Variants in RPS9 observed in about 807,000 individuals in gnomAD.
The protein encoded by RPS9 is ribosomal protein S9.
A neutral mutation model predicts 16.9 loss-of-function variants in RPS9; 1 was observed. That is an observed-to-expected ratio of 0.06 (90% CI 0.02 to 0.28). The LOEUF (loss-of-function observed/expected upper bound fraction) is 0.28. RPS9 is among the 10% of genes least tolerant of loss of function. RPS9 has a pLI of 1.00. For missense variants in RPS9, 137 were observed against 273.2 expected (o/e 0.50, Z 3.51); for synonymous variants, 106 against 110.9 (o/e 0.96, Z 0.28).
chr19:54,206,666 T>C, intron 4 of RPS9: 1 of 1,546,280 alleles, frequency 6.5e-7, no homozygotes. Flanking sequence ...CAAGGGTCAC[T>C]GCGGCTCTAG....
chr19:54,207,150 G>A, intron 4 of RPS9: 2 of 537,806 alleles, frequency 3.7e-6, no homozygotes, highest in East Asian at 6.1e-5. Context: ...TGTGGTCTTA[G>A]GTGGGATACT....
intron 3 of RPS9, among the ~76,000 whole-genome samples, chr19:54,204,811 G>A (rs986357140): frequency 6.7e-6 from 1 of 149,908 alleles, no homozygotes; most frequent in African/African-American, 2.4e-5. Flanking sequence ...TTTTGGACAT[G>A]TTTTTGTATT....
chr19:54,201,039 ATG>A (rs1402006357), intron 1 of RPS9, 119 bp from the exon 2 acceptor site: 103 of 1,480,242 alleles, frequency 7.0e-5, no homozygotes, highest in Non-Finnish European at 9.2e-5. Context: ...GATACTGACT[ATG>A]AGAGCGTTGG....
At position 54,206,890 on chromosome 19, in the gene RPS9, G is replaced by A. The variant is rs1329305570; in HGVS notation, c.407+428G>A. ...CCTTTCTGTAATGTGGCACCATTGA[G>A]GGGGAGGAGCTGTACAGAAAGAGGG... On this transcript the variant is annotated intron_variant, in intron 4 of 4. Transcript: ENST00000302907. The A allele has an allele frequency of 6.6e-6, 4 of 601,760 alleles. No individual in the cohort carries two copies. The East Asian group carries it at 9.0e-5, about 13-fold the overall frequency. 37.3% of individuals were successfully genotyped at this position (601,760 alleles called of 1,614,324 possible). A position where few individuals can be genotyped will look rare whatever the true frequency, so the allele number is the denominator to read the frequency against.
rs1302817097 is a variant in RPS9, at chr19:54,202,408, T to C, written c.220+799T>C. The C allele has an allele frequency of 5.1e-6, 5 of 984,232 alleles. No individual in the cohort carries two copies. In the African/African-American group the frequency reaches 8.7e-5, roughly 17 times the overall value. 61.0% of individuals were successfully genotyped at this position (984,232 alleles called of 1,614,324 possible). A position where few individuals can be genotyped will look rare whatever the true frequency, so the allele number is the denominator to read the frequency against. ...CCATGTTGTCCAGGCTGGTGCTTGTTTTTTTAAGCTGGTCAAGGACATTTA... is the reference window on the plus strand; with the variant it reads ...CCATGTTGTCCAGGCTGGTGCTTGTCTTTTTAAGCTGGTCAAGGACATTTA... On this transcript the variant is annotated intron_variant, in intron 3 of 4. Coordinates refer to ENST00000302907, the MANE Select transcript of RPS9 (RefSeq NM_001013.4).
intron 3 of RPS9, chr19:54,203,455 G>T: frequency 6.7e-6 from 2 of 300,712 alleles, no homozygotes; most frequent in Non-Finnish European, 4.9e-6. Flanking sequence ...GCCAACATTT[G>T]GCTGGCAGTT....
rs1194484585 is a variant in RPS9, at chr19:54,201,590, C to A, written c.201C>A (p.Asp67Glu). The change falls in exon 3 of 5, where the codon GAC becomes GAA. Residue 67 changes from aspartate to glutamate, a missense_variant. By Grantham distance (45) the Asp-to-Glu change is conservative. Around this residue, in one of 3 missense-constraint regions of RPS9, gnomAD observed 64 missense variants for 164.0 expected, o/e 0.39. Transcript: ENST00000302907. ...ARELLTLDEKDPRRLFEGNAL... is the reference protein window; with the variant it reads ...ARELLTLDEKEPRRLFEGNAL... ...AACTGCTGACGCTTGATGAGAAGGA[C>A]CCACGGCGTCTGTTCGAAGGTGCGT... The A allele has an allele frequency of 1.2e-6, 2 of 1,614,100 alleles. No individual in the cohort carries two copies. The highest frequency in any genetic ancestry group is 3.3e-5 in the Admixed American group (2 of 60,000).
intron 4 of RPS9, 192 bp downstream of exon 4, chr19:54,206,654 C>T (rs2077252271): frequency 3.9e-6 from 6 of 1,549,178 alleles, no homozygotes; most frequent in Middle Eastern, 1.7e-4. Context: ...AATAGCCCAG[C>T]GCAAGGGTCA....
At chr19:54,207,313 G>T (rs1454635621) in intron 4 of RPS9, 85 bp from the exon 5 acceptor site, 3 of 1,222,730 alleles carry the variant, frequency 2.5e-6, no homozygotes, top group East Asian at 2.4e-5. Context: ...GCCTCACGGG[G>T]TGGGTGGAGA....
intron 4 of RPS9, chr19:54,206,933 G>T (rs2077262095): frequency 2.0e-6 from 1 of 501,296 alleles, no homozygotes; most frequent in African/African-American, 1.9e-5. Context: ...TTTGCGTTTA[G>T]AATCTTCGCC....
chr19:54,206,097 T>G (rs553528748), intron 3 of RPS9, among the ~76,000 whole-genome samples, 179 bp from the exon 4 acceptor site: 1 of 152,372 alleles, frequency 6.6e-6, no homozygotes, highest in African/African-American at 2.4e-5. Context: ...ATTACAGGTG[T>G]GAGCCACCAC....
chr19:54,201,352 A>G lies in RPS9; in HGVS notation c.97+71A>G, dbSNP rs918612406. On this transcript the variant is annotated intron_variant, in intron 2 of 4. Transcript: ENST00000302907. ...GGTTAGCACGTGGATGAAGGTGCCC[A>G]TGTACTCTATCTAGTCCGTCCCCTA... 3.7e-6 allele frequency: 6 copies of G among 1,611,858 alleles called. No individual in the cohort carries two copies. The African/African-American group carries it at 4.0e-5, about 11-fold the overall frequency.
chr19:54,205,892 C>T (rs900189375), intron 3 of RPS9, among the ~76,000 whole-genome samples: 2 of 152,226 alleles, frequency 1.3e-5, no homozygotes, highest in African/African-American at 4.8e-5. Flanking sequence ...TCTCAGGTCA[C>T]TGCAACCTCC....
At chr19:54,207,268 C>A in intron 4 of RPS9, 130 bp from the exon 5 acceptor site, 1 of 729,848 alleles carries the variant, frequency 1.4e-6, no homozygotes, top group Non-Finnish European at 2.3e-6. Context: ...CAGGTGCACC[C>A]TTCCTGCAGC....
At chr19:54,205,139 A>G (rs986388081) in intron 3 of RPS9, among the ~76,000 whole-genome samples, 5 of 152,118 alleles carry the variant, frequency 3.3e-5, no homozygotes, top group African/African-American at 1.2e-4. Context: ...CACATAAGGA[A>G]AAAAGGTTGA....
At position 54,201,151 on chromosome 19, in the gene RPS9, C is replaced by G. The variant is rs749367319; in HGVS notation, c.-25-9C>G. 138 of 1,612,516 alleles carry G rather than the reference C, an allele frequency of 8.6e-5. No homozygotes were observed. The highest frequency in any genetic ancestry group is 1.1e-4 in the Non-Finnish European group (133 of 1,179,882). On this transcript the variant is annotated splice_polypyrimidine_tract_variant and intron_variant, in intron 1 of 4. Transcript: ENST00000302907. ...GGATCCCTTACGCTCACACTTCTCT[C>G]CCGCGCAGGCGCAGACGGGGAAGCG...
intron 3 of RPS9, among the ~76,000 whole-genome samples, chr19:54,205,575 G>C (rs17207321): frequency 6.6e-6 from 1 of 151,926 alleles, no homozygotes; most frequent in Non-Finnish European, 1.5e-5. Context: ...CAGAAGAGCT[G>C]TCTGGGCTGA....
intron 4 of RPS9, 31 bp from the exon 5 acceptor site, chr19:54,207,367 C>G: frequency 8.2e-6 from 13 of 1,578,736 alleles, no homozygotes; most frequent in Non-Finnish European, 1.0e-5. Flanking sequence ...CGTTTCTCCT[C>G]CAGTCCACCT....
At chr19:54,202,717 A>G in intron 3 of RPS9, 1 of 985,410 alleles carries the variant, frequency 1.0e-6, no homozygotes, top group Non-Finnish European at 1.2e-6. Context: ...GAGTTTGGGT[A>G]GTCATGATTT....
Sources: gnomAD v4.1 joint callset for allele counts (sites outside exome capture counted in the v4.1 genomes callset) on GRCh38, gnomAD v4.1.1 for gene constraint, gnomAD v4.1.1 regional missense constraint, MANE v1.5 for transcripts, NCBI Gene and HGNC (gene_info 2026-07-23, HGNC 2026-07-21) for gene names.